The following ZNF254 variants were observed in gnomAD, a reference collection of about 807,000 sequenced individuals.
ZNF254 encodes the protein CTD-2017D11.1.
A neutral mutation model predicts 12.4 loss-of-function variants in ZNF254; 10 were observed. That is an observed-to-expected ratio of 0.80 (90% CI 0.50 to 1.36). ZNF254 has a LOEUF of 1.36. ZNF254 is among the 40% of genes most tolerant of loss of function. ZNF254 has a pLI of 0.00. For missense variants in ZNF254, 996 were observed against 763.9 expected, an observed-to-expected ratio of 1.30 and a Z score of -3.58; for synonymous variants, 305 against 253.4, an observed-to-expected ratio of 1.20 and a Z score of -1.93.
intron 1 of ZNF254, among the ~76,000 whole-genome samples, chr19:24,097,487 G>C (rs1972741306): frequency 6.6e-6 from 1 of 152,122 alleles, no homozygotes; most frequent in Admixed American, 6.6e-5. Context: ...AAAACAAAAA[G>C]AGTTCAGTTT....
In ZNF254 at chr19:24,126,541, TC is replaced by T. The variant is rs1974856604; in HGVS notation, c.542del (p.Ser181PhefsTer78). On this transcript the variant is annotated frameshift_variant, in exon 4 of 4. Coordinates refer to ENST00000357002, the MANE Select transcript of ZNF254 (RefSeq NM_203282.4). LOFTEE classifies it low-confidence loss of function (END_TRUNC). ...TAAGATAAGACATACTGAAAAGAAA[TC>T]TTTCAAATGTAAAAAACGTGTCAAA... Reference protein sequence around the residue: ...RPKIRHTEKKSFKCKKRVKLF... With the variant: ...RPKIRHTEKKXFKCKKRVKLF... 4.4e-6 allele frequency: 7 copies of T among 1,601,746 alleles called. No homozygotes were observed. The highest frequency in any genetic ancestry group is 6.0e-6 in the Non-Finnish European group (7 of 1,176,466).
chr19:24,040,849 A>C (rs1296933130), intron 1 of ZNF254, among the ~76,000 whole-genome samples: 1 of 152,238 alleles, frequency 6.6e-6, no homozygotes, highest in Non-Finnish European at 1.5e-5. Context: ...TCTTCACTGT[A>C]ACAAAAAGTA....
chr19:24,080,789 A>T (rs1971819055), intron 2 of ZNF254: 1 of 150,844 alleles, frequency 6.6e-6, no homozygotes, highest in South Asian at 2.1e-4. Flanking sequence ...AAAAAAAAAA[A>T]AAAAAAAGGA....
chr19:24,085,396 AGTTT>A (rs1243672866), upstream of ZNF254, among the ~76,000 whole-genome samples: 1 of 141,318 alleles, frequency 7.1e-6, no homozygotes, highest in Non-Finnish European at 1.5e-5. Flanking sequence ...ACTAAAAATT[AGTTT>A]GTTAAGGGTA....
chr19:24,101,965 CAAG>C (rs1345445407), intron 1 of ZNF254, among the ~76,000 whole-genome samples: 4 of 152,296 alleles, frequency 2.6e-5, no homozygotes, highest in South Asian at 2.1e-4. Flanking sequence ...TGGGTAAAAA[CAAG>C]GAGGAGGTCT....
Position 24,126,427 on chromosome 19 carries a change from A to G in ZNF254, c.427A>G (p.Asn143Asp). The G allele has an allele frequency of 6.2e-7, 1 of 1,600,918 alleles. No individual in the cohort carries two copies. Among genetic ancestry groups the G allele is most frequent in the Non-Finnish European group, 8.5e-7 (1 of 1,176,290 alleles). ...KVNKEGYNGL[N>D]QCFTTAQSKV... ...GAACAAAGAAGGTTATAATGGACTT[A>G]ACCAGTGTTTCACAACTGCCCAGAG... Residue 143 changes from asparagine to aspartate, a missense_variant, in exon 4 of 4, where the codon AAC becomes GAC. Coordinates refer to ENST00000357002, the MANE Select transcript of ZNF254 (RefSeq NM_203282.4).
chr19:24,078,567 T>C (rs1356494215), intron 2 of ZNF254: 1 of 152,202 alleles, frequency 6.6e-6, no homozygotes. Context: ...ATATCTGACA[T>C]TGAGTAAATG....
intron 2 of ZNF254, among the ~76,000 whole-genome samples, chr19:24,076,360 C>T (rs570166801): frequency 9.9e-4 from 151 of 152,278 alleles, no homozygotes; most frequent in African/African-American, 3.4e-3. Context: ...CCAGTCCCTC[C>T]GTTTGGGGTC....
At chr19:24,060,745 C>T (rs1416777491) in intron 2 of ZNF254, among the ~76,000 whole-genome samples, 2 of 152,210 alleles carry the variant, frequency 1.3e-5, no homozygotes, top group African/African-American at 4.8e-5. Flanking sequence ...ACTCTCCTTC[C>T]TGGGAACTGT....
At chr19:24,033,667 GA>G in intron 1 of ZNF254, 2 of 327,816 alleles carry the variant, frequency 6.1e-6, no homozygotes, top group African/African-American at 2.2e-5. Context: ...AGCGGGCTGT[GA>G]AACCGGCGGG....
At chr19:24,123,517 A>G (rs1198072237) in intron 3 of ZNF254, among the ~76,000 whole-genome samples, 3 of 152,088 alleles carry the variant, frequency 2.0e-5, no homozygotes, top group Non-Finnish European at 4.4e-5. Flanking sequence ...ATCTTGCTAT[A>G]ATTGTATTGC....
chr19:24,046,596 T>C (rs1211294604), intron 2 of ZNF254, among the ~76,000 whole-genome samples: 2 of 151,832 alleles, frequency 1.3e-5, no homozygotes, highest in Non-Finnish European at 2.9e-5. Flanking sequence ...ATTAACTAGG[T>C]TAAGTCAATA....
At chr19:24,113,409 A>G (rs1012546279) in intron 3 of ZNF254, among the ~76,000 whole-genome samples, 8 of 152,228 alleles carry the variant, frequency 5.3e-5, no homozygotes, top group African/African-American at 1.9e-4. Flanking sequence ...GTAATCCAGC[A>G]TATAAACAGA....
In ZNF254 at chr19:24,116,282, G is replaced by C. The variant is rs576401389; in HGVS notation, c.253+9639G>C. Among the ~76,000 whole-genome samples, 216 of 152,266 alleles carry C rather than the reference G, an allele frequency of 1.4e-3. 1 individual carries two copies. Among genetic ancestry groups the C allele is most frequent in the Non-Finnish European group, 4.4e-4 (30 of 68,020 alleles). ...GGGAAGTTCTCCTGGATAATATCCT[G>C]CAGAGTGTTTTCCAACTTGGTTCCA... On this transcript the variant is annotated intron_variant, in intron 3 of 3. Transcript: ENST00000357002.
intron 2 of ZNF254, among the ~76,000 whole-genome samples, chr19:24,062,675 C>T (rs745407075): frequency 6.6e-6 from 1 of 152,192 alleles, no homozygotes; most frequent in African/African-American, 2.4e-5. Context: ...GGTTCTGAAT[C>T]TCACTTTTGG....
intron 2 of ZNF254, among the ~76,000 whole-genome samples, chr19:24,069,628 GA>G (rs1427754013): frequency 8.9e-6 from 1 of 112,958 alleles, no homozygotes; most frequent in Non-Finnish European, 1.9e-5. Flanking sequence ...AAAAAAAAAA[GA>G]ATATTCTGCC....
At chr19:24,113,139 C>A (rs79933076) in intron 3 of ZNF254, among the ~76,000 whole-genome samples, 13 of 152,250 alleles carry the variant, frequency 8.5e-5, no homozygotes, top group Admixed American at 1.3e-4. Flanking sequence ...TGAAACTATT[C>A]CAATCAATAG....
chr19:24,124,229 C>G (rs1000520735), intron 3 of ZNF254, among the ~76,000 whole-genome samples: 3 of 151,736 alleles, frequency 2.0e-5, no homozygotes, highest in African/African-American at 7.3e-5. Context: ...AAGTTGCGTA[C>G]AAAAATTTGT....
chr19:24,052,836 A>T (rs1970699582), intron 2 of ZNF254, among the ~76,000 whole-genome samples: 1 of 152,210 alleles, frequency 6.6e-6, no homozygotes, highest in South Asian at 2.1e-4. Context: ...TATGACTCTC[A>T]TACCTCTAAA....
Sources: allele counts gnomAD v4.1 joint callset (sites outside exome capture counted in the v4.1 genomes callset), GRCh38; gene constraint gnomAD v4.1.1; transcripts MANE v1.5; gene names NCBI Gene and HGNC (gene_info 2026-07-23, HGNC 2026-07-21).